PTPRF: variants seen among roughly 807,000 people sequenced by gnomAD.
PTPRF encodes the protein protein tyrosine phosphatase receptor type F, also known as receptor-type tyrosine-protein phosphatase F.
A neutral mutation model predicts 201.8 loss-of-function variants in PTPRF; 59 were observed. The ratio of observed to expected loss-of-function variants is 0.29; its 90% CI spans 0.24 to 0.36. PTPRF has a LOEUF of 0.36. Among genes scored for constraint, PTPRF ranks in the 10% least tolerant of loss-of-function variants. The pLI, the probability that PTPRF is intolerant of heterozygous loss-of-function variation, is 1.00. For missense variants in PTPRF, 2,132 were observed against 2,690.5 expected (o/e 0.79, Z 4.59); for synonymous variants, 1,088 against 1,089.7 (o/e 1.00, Z 0.03).
intron 23 of PTPRF, 96 bp from the exon 24 acceptor site, chr1:43,617,349 G>A: frequency 1.3e-6 from 2 of 1,538,574 alleles, no homozygotes; most frequent in Non-Finnish European, 1.8e-6. Flanking sequence ...GTGAAGGCAG[G>A]ATGTGAGCAT....
Position 43,597,732 on chromosome 1 carries a change from C to CCCT in PTPRF, c.1814-16_1814-15insCCT. 6.9e-7 allele frequency: 1 copy of CCCT among 1,440,890 alleles called. No homozygotes were observed. Among genetic ancestry groups the CCCT allele is most frequent in the Non-Finnish European group, 9.6e-7 (1 of 1,046,450 alleles). 89.3% of individuals were successfully genotyped at this position (1,440,890 alleles called of 1,614,324 possible). A position where few individuals can be genotyped will look rare whatever the true frequency, so the allele number is the denominator to read the frequency against. On this transcript the variant is annotated splice_polypyrimidine_tract_variant and intron_variant, in intron 11 of 33. Transcript: ENST00000359947. ...ACCCTCCATCTGCTTGCTTCCCCCC[C>CCCT]ATTTGTCTTCCCCAGCCCCCTCCGC...
chr1:43,577,375 G>A (rs1570214690), intron 6 of PTPRF, among the ~76,000 whole-genome samples: 1 of 152,150 alleles, frequency 6.6e-6, no homozygotes, highest in East Asian at 1.9e-4. Flanking sequence ...GGGCCCTGGT[G>A]CTCCCTGGCA....
rs371189300 is a variant in PTPRF, at chr1:43,602,064, C to T, written c.2314-7C>T. 3.2e-5 allele frequency: 51 copies of T among 1,612,532 alleles called. No homozygotes were observed. The highest frequency in any genetic ancestry group is 6.6e-5 in the South Asian group (6 of 91,060). On this transcript the variant is annotated splice_region_variant and splice_polypyrimidine_tract_variant and intron_variant, in intron 13 of 33. Coordinates refer to ENST00000359947, the MANE Select transcript of PTPRF (RefSeq NM_002840.5). The stretch of plus-strand genomic sequence containing the variant: ...TGTCTCCCTTTCTCTCCCTCTCCCG[C>T]GGTCAGTGGCGGCCAGAGGAGTCCG...
At chr1:43,574,733 C>T (rs552075024) in intron 6 of PTPRF, among the ~76,000 whole-genome samples, 2 of 152,372 alleles carry the variant, frequency 1.3e-5, no homozygotes, top group African/African-American at 2.4e-5. Context: ...ATTCTTCCCA[C>T]ATAACCCTCA....
At chr1:43,568,049 A>C (rs913046165) in intron 5 of PTPRF, among the ~76,000 whole-genome samples, 2 of 152,120 alleles carry the variant, frequency 1.3e-5, no homozygotes, top group African/African-American at 4.8e-5. Context: ...TAATCCCAGC[A>C]CTTTGGGAGG....
chr1:43,603,636 C>G lies in PTPRF; in HGVS notation c.2484C>G (p.Ile828Met). The G allele has an allele frequency of 6.2e-7, 1 of 1,613,334 alleles. No individual in the cohort carries two copies. Among genetic ancestry groups the G allele is most frequent in the South Asian group, 1.1e-5 (1 of 91,046 alleles). Residue 828 changes from isoleucine (I) to methionine (M), a missense_variant, in exon 16 of 34, where the codon ATC (isoleucine) becomes ATG (methionine). By Grantham distance (10) the Ile-to-Met change is conservative. This residue lies in a region of PTPRF where 818 missense variants were observed against 915.3 expected (regional missense o/e 0.89). Transcript: ENST00000359947. The surrounding 1 kb of genome is among the most constrained non-coding windows in gnomAD (Gnocchi z 5.8). ...GAVPGRPTMM[I>M]STTAMNTALL... Reference sequence around the variant, plus strand: ...TCCCAGGCCGGCCCACCATGATGATCAGCACCACGGCCATGAACACTGCGC... The same window carrying G: ...TCCCAGGCCGGCCCACCATGATGATGAGCACCACGGCCATGAACACTGCGC...
chr1:43,620,492 T>C lies in PTPRF; in HGVS notation c.5277T>C (p.Ala1759=). 1 of 1,613,484 alleles carries C rather than the reference T, an allele frequency of 6.2e-7. No homozygotes were observed. Among genetic ancestry groups the C allele is most frequent in the Non-Finnish European group, 8.5e-7 (1 of 1,179,388 alleles). The part of the protein sequence containing the change: ...CHQYWPAERS[A]RYQYFVVDPM... ...AGTACTGGCCAGCAGAGCGCTCTGC[T>C]CGCTACCAGTACTTTGTTGTTGACC... The change falls in exon 31 of 34, where the codon GCT becomes GCC. Residue 1759 remains alanine (A), a synonymous_variant. Coordinates refer to ENST00000359947, the MANE Select transcript of PTPRF (RefSeq NM_002840.5).
At chr1:43,583,969 G>A (rs1648444078) in intron 7 of PTPRF, among the ~76,000 whole-genome samples, 1 of 152,196 alleles carries the variant, frequency 6.6e-6, no homozygotes, top group South Asian at 2.1e-4. Context: ...ACGGTCAGCT[G>A]CAACTTAGCA....
At chr1:43,619,625 G>C (rs867852810) in intron 28 of PTPRF, 52 bp downstream of exon 28, 2 of 1,610,212 alleles carry the variant, frequency 1.2e-6, no homozygotes. Flanking sequence ...GGGTCATGCA[G>C]ATGACCCCCA....
rs139492093 is a variant in PTPRF at position 43,563,389 on chromosome 1, C to T, written c.380-6201C>T. On this transcript the variant is annotated intron_variant, in intron 5 of 33. Coordinates refer to ENST00000359947, the MANE Select transcript of PTPRF (RefSeq NM_002840.5). ...TGTTGAGCCAGGTGTGCGCAGGCAT[C>T]CAGGGAGGTGTCAAAGAGGCCTCGT... 8.6e-3 allele frequency among the ~76,000 whole-genome samples: 1,307 copies of T among 152,076 alleles called. 19 individuals are homozygous for T. The highest frequency in any genetic ancestry group is 0.029 in the African/African-American group (1,206 of 41,472).
chr1:43,550,285 C>T (rs1250472739), intron 3 of PTPRF, among the ~76,000 whole-genome samples: 3 of 152,226 alleles, frequency 2.0e-5, no homozygotes, highest in African/African-American at 7.2e-5. Flanking sequence ...TCCAGGCCGC[C>T]GGTGACCCAC....
At chr1:43,576,049 C>T (rs755196297) in intron 6 of PTPRF, 5 of 901,966 alleles carry the variant, frequency 5.5e-6, no homozygotes, top group Non-Finnish European at 8.0e-6. Flanking sequence ...TCCTCATCTC[C>T]AGCTCCAGCA....
chr1:43,587,118 G>A (rs1187472385), intron 7 of PTPRF, among the ~76,000 whole-genome samples: 1 of 152,202 alleles, frequency 6.6e-6, no homozygotes, highest in Non-Finnish European at 1.5e-5. Context: ...AGTAAGGCAG[G>A]CTGTGGAAGG....
chr1:43,589,865 A>G (rs1165530281), intron 8 of PTPRF, among the ~76,000 whole-genome samples: 1 of 150,274 alleles, frequency 6.7e-6, no homozygotes, highest in Non-Finnish European at 1.5e-5. Flanking sequence ...GCGAGACCCT[A>G]TGAAAAAAAA....
At position 43,606,274 on chromosome 1, in the gene PTPRF, AGCGGCG is replaced by A. The variant is rs747723517; in HGVS notation, c.3530_3535del (p.Arg1177_Arg1178del). ...GCCATCGAGCAAGGCGGAGAGGAGCAGCGGCGGCGGCGGCGGCAGGCAGAACGTCTG... is the reference window on the plus strand; with the variant it reads ...GCCATCGAGCAAGGCGGAGAGGAGCAGCGGCGGCGGCAGGCAGAACGTCTG... On this transcript the variant is annotated inframe_deletion, in exon 20 of 34. Coordinates refer to ENST00000359947, the MANE Select transcript of PTPRF (RefSeq NM_002840.5). The A allele has an allele frequency of 2.4e-5, 39 of 1,613,224 alleles. No individual in the cohort carries two copies. The highest frequency in any genetic ancestry group is 4.0e-5 in the African/African-American group (3 of 74,898).
Position 43,603,618 on chromosome 1 carries a change from C to A in PTPRF, c.2466C>A (p.Gly822=). 1 of 1,612,712 alleles carries A rather than the reference C, an allele frequency of 6.2e-7. No homozygotes were observed. Among genetic ancestry groups the A allele is most frequent in the African/African-American group, 1.3e-5 (1 of 75,060 alleles). The part of the protein sequence containing the change: ...KIVTTTGAVP[G]RPTMMISTTA... ...CAGCCCGTGGTCCTTCAGTCCCAGGCCGGCCCACCATGATGATCAGCACCA... is the reference window on the plus strand; with the variant it reads ...CAGCCCGTGGTCCTTCAGTCCCAGGACGGCCCACCATGATGATCAGCACCA... The change falls in exon 16 of 34, where the codon GGC becomes GGA. Residue 822 remains glycine (G), a synonymous_variant. Coordinates refer to ENST00000359947, the MANE Select transcript of PTPRF (RefSeq NM_002840.5). This position sits in a 1 kb window ranked among gnomAD's most constrained non-coding sequence, Gnocchi z 5.8.
At chr1:43,550,313 GGCGTCTCCTCTCC>G (rs1241779678) in intron 3 of PTPRF, among the ~76,000 whole-genome samples, 36 of 152,134 alleles carry the variant, frequency 2.4e-4, no homozygotes, top group Non-Finnish European at 7.4e-5. Flanking sequence ...TCTCCTCCCC[GGCGTCTCCTCTCC>G]GCTTCTTTGT....
At chr1:43,560,091 G>C (rs1343152882) in intron 5 of PTPRF, among the ~76,000 whole-genome samples, 26 of 147,166 alleles carry the variant, frequency 1.8e-4, no homozygotes, top group Non-Finnish European at 4.5e-5. Context: ...TACAGCAGAT[G>C]GTGTGCAGCA....
At chr1:43,549,388 T>C (rs1227139060) in intron 3 of PTPRF, among the ~76,000 whole-genome samples, 1 of 152,150 alleles carries the variant, frequency 6.6e-6, no homozygotes, top group Non-Finnish European at 1.5e-5. Context: ...AGCAGGCTCC[T>C]ACAGCAGCTT....
Sources: gnomAD v4.1 joint callset for allele counts (sites outside exome capture counted in the v4.1 genomes callset) on GRCh38, gnomAD v4.1.1 for gene constraint, gnomAD v4.1.1 regional missense constraint, Gnocchi (gnomAD v3.1) non-coding constraint, MANE v1.5 for transcripts, NCBI Gene and HGNC (gene_info 2026-07-23, HGNC 2026-07-21) for gene names.